ACE: variants seen among roughly 807,000 people sequenced by gnomAD.
The protein encoded by ACE is angiotensin-converting enzyme.
In ACE, 122 loss-of-function variants were observed where a neutral mutation model predicts 162.3. The observed-to-expected ratio is 0.75, with a 90% CI of 0.65 to 0.87. ACE has a LOEUF of 0.87. ACE is among the 40% of genes least tolerant of loss of function. The pLI, the probability that ACE is intolerant of heterozygous loss-of-function variation, is 0.00. For synonymous variants in ACE, 796 were observed against 720.6 expected (o/e 1.10, Z -1.68); for missense variants, 1,799 against 1,735.1 (o/e 1.04, Z -0.65).
chr17:63,492,507 A>G (rs926110297), intron 19 of ACE, among the ~76,000 whole-genome samples: 137 of 152,296 alleles, frequency 9.0e-4, no homozygotes, highest in African/African-American at 3.2e-3. Flanking sequence ...CAGGGCTGAG[A>G]GGAGACAGGA....
At position 63,481,631 on chromosome 17, in the gene ACE, C is replaced by G; in HGVS notation, c.1011C>G (p.Pro337=). The G allele has an allele frequency of 6.2e-7, 1 of 1,614,120 alleles. No homozygotes were observed. Among genetic ancestry groups the G allele is most frequent in the Non-Finnish European group, 8.5e-7 (1 of 1,180,032 alleles). The change falls in exon 7 of 25, where the codon CCC becomes CCG. Residue 337 remains proline, a synonymous_variant. Coordinates refer to ENST00000290866, the MANE Select transcript of ACE (RefSeq NM_000789.4). ...EEFFTSLELS[P]MPPEFWEGSM... ...TCTTCACCTCCCTGGAGCTCTCCCC[C>G]ATGCCTCCCGAGTTCTGGGAAGGGT...
At position 63,480,456 on chromosome 17, in the gene ACE, C is replaced by T. The variant is rs777408360; in HGVS notation, c.775C>T (p.Arg259Cys). 2.0e-5 allele frequency: 33 copies of T among 1,613,988 alleles called. No individual in the cohort carries two copies. Among genetic ancestry groups the T allele is most frequent in the African/African-American group, 5.3e-5 (4 of 74,924 alleles). Residue 259 changes from arginine (R) to cysteine (C), a missense_variant, in exon 5 of 25, where the codon CGC becomes TGC. Arg to Cys is a radical substitution (Grantham distance 180). Transcript: ENST00000290866. ...PLYLNLHAFV[R>C]RALHRRYGDR... ...CTACCTGAACCTCCATGCCTTCGTCCGCCGCGCACTGCATCGCCGATACGG... is the reference window on the plus strand; with the variant it reads ...CTACCTGAACCTCCATGCCTTCGTCTGCCGCGCACTGCATCGCCGATACGG...
chr17:63,490,068 C>G (rs1444361376), intron 17 of ACE: 1 of 152,624 alleles, frequency 6.6e-6, no homozygotes, highest in Non-Finnish European at 1.5e-5. Context: ...CTGATGCGCT[C>G]TCTGTCTCTC....
rs1348761607 is a variant in ACE, at chr17:63,491,972, A to C, written c.2912+591A>C. Reference sequence around the variant, plus strand: ...CCCCTCTGTTGGGGGCAGCTCTCACAGCCGGGATGGCTCAATGGGGGCCAT... The same window carrying C: ...CCCCTCTGTTGGGGGCAGCTCTCACCGCCGGGATGGCTCAATGGGGGCCAT... On this transcript the variant is annotated intron_variant, in intron 19 of 24. Transcript: ENST00000290866. This position sits in a 1 kb window ranked among gnomAD's most constrained non-coding sequence, Gnocchi z 4.4. 6.6e-6 allele frequency among the ~76,000 whole-genome samples: 1 copy of C among 152,190 alleles called. No individual in the cohort carries two copies.
intron 1 of ACE, 147 bp downstream of exon 1, chr17:63,477,490 C>A: frequency 1.8e-6 from 1 of 561,592 alleles, no homozygotes; most frequent in Non-Finnish European, 2.3e-6. Context: ...AGCCGCGGGG[C>A]CCGAGCGCCG....
rs1020492434 is a variant in ACE, at chr17:63,491,822, C to T, written c.2912+441C>T. 6.6e-6 allele frequency among the ~76,000 whole-genome samples: 1 copy of T among 152,216 alleles called. No individual in the cohort carries two copies. The highest frequency in any genetic ancestry group is 1.5e-5 in the Non-Finnish European group (1 of 68,024). ...TCCTTGGAGGATGGCGTTTTAGTTA[C>T]CTATTGCTGTGCAACCAAGCACCCC... On this transcript the variant is annotated intron_variant, in intron 19 of 24. Transcript: ENST00000290866. The surrounding 1 kb of genome is among the most constrained non-coding windows in gnomAD (Gnocchi z 4.4).
Position 63,483,175 on chromosome 17 carries a change from T to G in ACE, c.1487+2T>G. The G allele has an allele frequency of 6.2e-7, 1 of 1,613,750 alleles. No individual in the cohort carries two copies. On this transcript the variant is annotated splice_donor_variant, in intron 9 of 24. Coordinates refer to ENST00000290866, the MANE Select transcript of ACE (RefSeq NM_000789.4). LOFTEE classifies it high-confidence loss of function. ...CAACTTCGACTGGTGGTATCTTCGG[T>G]GAGAGGAGGGATAGAAAAGCCTTCG... is the stretch of plus-strand genomic sequence containing the variant.
intron 22 of ACE, among the ~76,000 whole-genome samples, chr17:63,494,757 C>T (rs934421700): frequency 6.6e-6 from 1 of 152,232 alleles, no homozygotes; most frequent in African/African-American, 2.4e-5. Context: ...ACATTAACCA[C>T]GACTCATGGC....
chr17:63,485,717 G>A, intron 13 of ACE: 1 of 355,682 alleles, frequency 2.8e-6, no homozygotes, highest in Admixed American at 3.8e-5. Flanking sequence ...AGAGCTTGCA[G>A]TGAGCCGAGA....
Position 63,480,392 on chromosome 17 carries a change from G to A in ACE, c.711G>A (p.Glu237=), listed in dbSNP as rs2049686546. The A allele has an allele frequency of 3.1e-6, 5 of 1,613,986 alleles. No individual in the cohort carries two copies. Among genetic ancestry groups the A allele is most frequent in the African/African-American group, 1.3e-5 (1 of 74,912 alleles). The part of the protein sequence containing the change: ...WRSWYNSPTF[E]DDLEHLYQQL... Reference sequence around the variant, plus strand: ...CCTGGTACAACTCCCCCACCTTCGAGGACGATCTGGAACACCTCTACCAAC... The same window carrying A: ...CCTGGTACAACTCCCCCACCTTCGAAGACGATCTGGAACACCTCTACCAAC... Residue 237 remains glutamate, a synonymous_variant, in exon 5 of 25, where the codon GAG becomes GAA. Transcript: ENST00000290866.
Position 63,496,982 on chromosome 17 carries a change from T to G in ACE, c.3688T>G (p.Ser1230Ala). 1 of 1,609,388 alleles carries G rather than the reference T, an allele frequency of 6.2e-7. No individual in the cohort carries two copies. Among genetic ancestry groups the G allele is most frequent in the Non-Finnish European group, 8.5e-7 (1 of 1,178,796 alleles). The change falls in exon 24 of 25, where the codon TCC becomes GCC. Residue 1230 changes from serine to alanine, a missense_variant. Transcript: ENST00000290866. ...GCCGCAGTACAACTGGACGCCGAAC[T>G]CCGGTACCGCCACCCACCCCACCTC... ...GWPQYNWTPN[S>A]ARSEGPLPDS...
At chr17:63,490,790 C>G in intron 17 of ACE, 164 bp from the exon 18 acceptor site, 1 of 710,302 alleles carries the variant, frequency 1.4e-6, no homozygotes, top group Non-Finnish European at 2.5e-6. Context: ...TGGATATGCA[C>G]ACCAAAGATG....
At chr17:63,488,885 C>A (rs1319925919) in intron 16 of ACE, 56 bp from the exon 17 acceptor site, 19 of 1,613,552 alleles carry the variant, frequency 1.2e-5, no homozygotes, top group African/African-American at 2.7e-5. Context: ...AAGGTAGATC[C>A]CTGGAGGAGG....
In ACE at chr17:63,496,262, TG is replaced by T. The variant is rs1436311430; in HGVS notation, c.3381-126del. 2.9e-6 allele frequency: 4 copies of T among 1,358,688 alleles called. No individual in the cohort carries two copies. In the East Asian group the frequency reaches 6.9e-5, roughly 23 times the overall value. The allele number at this position is 1,358,688 out of a possible 1,614,324, so 84.2% of individuals were successfully genotyped here. The stretch of plus-strand genomic sequence containing the variant: ...TCACCCTGATAGCTGTGGGCAGAGT[TG>T]GGGGGCCTTGGCTCTGCTGTGCGCA... On this transcript the variant is annotated intron_variant, in intron 22 of 24. Transcript: ENST00000290866.
chr17:63,481,020 A>G (rs951891916), intron 5 of ACE, 71 bp from the exon 6 acceptor site: 3 of 1,478,788 alleles, frequency 2.0e-6, no homozygotes, highest in East Asian at 4.5e-5. Flanking sequence ...CCAGGGTGCC[A>G]CTCAGCGATG....
At chr17:63,481,870 G>A in intron 7 of ACE, 132 bp downstream of exon 7, 4 of 1,200,832 alleles carry the variant, frequency 3.3e-6, no homozygotes, top group South Asian at 2.6e-5. Flanking sequence ...TGGAGGCTGG[G>A]TCTGTTCCAG....
rs71375895 is a variant in ACE, at chr17:63,484,817, G to T, written c.1921+276G>T. ...TCTGTGAGGTCACACTGCGGGCTCCGCTCTTATTGGCCAGGGGACGGTAGC... is the reference window on the plus strand; with the variant it reads ...TCTGTGAGGTCACACTGCGGGCTCCTCTCTTATTGGCCAGGGGACGGTAGC... On this transcript the variant is annotated intron_variant, in intron 12 of 24. Transcript: ENST00000290866. The surrounding 1 kb of genome is among the most constrained non-coding windows in gnomAD (Gnocchi z 4.0). 1.2e-5 allele frequency: 18 copies of T among 1,520,170 alleles called. No individual in the cohort carries two copies. The East Asian group carries it at 3.2e-4, about 27-fold the overall frequency. 94.2% of individuals were successfully genotyped at this position (1,520,170 alleles called of 1,614,324 possible). A position where few individuals can be genotyped will look rare whatever the true frequency, so the allele number is the denominator to read the frequency against.
Position 63,496,500 on chromosome 17 carries a change from G to T in ACE, c.3487G>T (p.Ala1163Ser), listed in dbSNP as rs1299150514. 3.1e-6 allele frequency: 5 copies of T among 1,614,142 alleles called. No individual in the cohort carries two copies. Among genetic ancestry groups the T allele is most frequent in the Non-Finnish European group, 4.2e-6 (5 of 1,180,048 alleles). The stretch of plus-strand genomic sequence containing the variant: ...GTGTGACATCTACCAGTCCAAGGAG[G>T]CCGGGCAGCGCCTGGCGTGAGTGTC... Reference protein sequence around the residue: ...HKCDIYQSKEAGQRLATAMKL... With the variant: ...HKCDIYQSKESGQRLATAMKL... The change falls in exon 23 of 25, where the codon GCC becomes TCC. Residue 1163 changes from alanine (A) to serine (S), a missense_variant. Physicochemically the swap from Ala to Ser is moderately conservative, Grantham distance 99 (BLOSUM62 1). Transcript: ENST00000290866.
rs770651216 is a variant in ACE, at chr17:63,486,424, AG to A, written c.2059-131del. ...GCGTCCAGCTTGCAGAGAGTCTTAT[AG>A]GCAAAGGTTGCAACTTAATTCCACT... is the stretch of plus-strand genomic sequence containing the variant. On this transcript the variant is annotated intron_variant, in intron 13 of 24. Transcript: ENST00000290866. 5.7e-5 allele frequency: 54 copies of A among 948,232 alleles called. No homozygotes were observed. In the East Asian group the frequency reaches 7.8e-4, roughly 14 times the overall value. 58.7% of individuals were successfully genotyped at this position (948,232 alleles called of 1,614,324 possible). A position where few individuals can be genotyped will look rare whatever the true frequency, so the allele number is the denominator to read the frequency against.
Sources: allele counts gnomAD v4.1 joint callset (sites outside exome capture counted in the v4.1 genomes callset), GRCh38; gene constraint gnomAD v4.1.1; non-coding constraint Gnocchi (gnomAD v3.1); transcripts MANE v1.5; gene names NCBI Gene and HGNC (gene_info 2026-07-23, HGNC 2026-07-21).